Variants in MLPH observed in about 807,000 individuals in gnomAD.
MLPH encodes melanophilin.
In MLPH, 51 loss-of-function variants were observed where a neutral mutation model predicts 72.1. The observed-to-expected ratio is 0.71, with a 90% CI of 0.56 to 0.89. The LOEUF (loss-of-function observed/expected upper bound fraction) is 0.89. Among genes scored for constraint, MLPH ranks in the 40% least tolerant of loss-of-function variants. The probability of loss-of-function intolerance (pLI) is 0.00; values close to 1 mark genes in which losing one functional copy is unlikely to be tolerated. For synonymous variants in MLPH, 301 were observed against 310.1 expected, an observed-to-expected ratio of 0.97 and a Z score of 0.31; for missense variants, 743 against 759.9, an observed-to-expected ratio of 0.98 and a Z score of 0.26.
Position 237,510,656 on chromosome 2 carries a change from G to A in MLPH, c.193G>A (p.Ala65Thr), listed in dbSNP as rs745779815. 17 of 1,613,656 alleles carry A rather than the reference G, an allele frequency of 1.1e-5. No individual in the cohort carries two copies. Among genetic ancestry groups the A allele is most frequent in the Middle Eastern group, 1.6e-4 (1 of 6,080 alleles). Residue 65 changes from alanine to threonine, a missense_variant, in exon 3 of 16, where the codon GCC becomes ACC. Physicochemically the swap from Ala to Thr is moderately conservative, Grantham distance 58. Coordinates refer to ENST00000264605, the MANE Select transcript of MLPH (RefSeq NM_024101.7). This position sits in a 1 kb window ranked among gnomAD's most constrained non-coding sequence, Gnocchi z 4.4. ...DTAHLNETHC[A>T]RCLQPYQLLV... is the part of the protein sequence containing the mutation. ...TGCCCATCTGAACGAGACCCACTGCGCCCGCTGCCTGCAGCCCTACCAGCT... is the reference window on the plus strand; with the variant it reads ...TGCCCATCTGAACGAGACCCACTGCACCCGCTGCCTGCAGCCCTACCAGCT...
chr2:237,522,539 C>T (rs576134409), intron 6 of MLPH, among the ~76,000 whole-genome samples: 27 of 133,338 alleles, frequency 2.0e-4, no homozygotes, highest in East Asian at 4.1e-4. Flanking sequence ...AGTGCTGGAG[C>T]GGAGCAGGGC....
chr2:237,539,161 A>G (rs530778020), intron 9 of MLPH, among the ~76,000 whole-genome samples: 4 of 152,222 alleles, frequency 2.6e-5, no homozygotes, highest in Admixed American at 2.6e-4. Flanking sequence ...GGGAGGCTTG[A>G]GCAGAAGACA....
At chr2:237,488,939 G>A (rs563654986) in intron 1 of MLPH, among the ~76,000 whole-genome samples, 14 of 152,334 alleles carry the variant, frequency 9.2e-5, no homozygotes, top group Middle Eastern at 3.4e-3. Context: ...TGGAGGAACA[G>A]TCTTTGCCCC....
At chr2:237,545,455 A>G in intron 12 of MLPH, 1 of 1,286,984 alleles carries the variant, frequency 7.8e-7, no homozygotes, top group Non-Finnish European at 1.0e-6. Flanking sequence ...TACCCTAAAA[A>G]GGCTCTTTAT....
At position 237,510,392 on chromosome 2, in the gene MLPH, C is replaced by G. The variant is rs2079864246; in HGVS notation, c.111-182C>G. 1.4e-6 allele frequency: 1 copy of G among 692,946 alleles called. No homozygotes were observed. Among genetic ancestry groups the G allele is most frequent in the Non-Finnish European group, 2.6e-6 (1 of 385,244 alleles). 42.9% of individuals were successfully genotyped at this position (692,946 alleles called of 1,614,324 possible). A position where few individuals can be genotyped will look rare whatever the true frequency, so the allele number is the denominator to read the frequency against. On this transcript the variant is annotated intron_variant, in intron 2 of 15. Transcript: ENST00000264605. This position sits in a 1 kb window ranked among gnomAD's most constrained non-coding sequence, Gnocchi z 4.4. ...AAATTGCCCGTTTGAGCTCAGCCCTCAAAACAAAGATGCCTGTGTGGCTTT... is the reference window on the plus strand; with the variant it reads ...AAATTGCCCGTTTGAGCTCAGCCCTGAAAACAAAGATGCCTGTGTGGCTTT...
chr2:237,546,902 T>C (rs2080932126), intron 13 of MLPH, among the ~76,000 whole-genome samples: 1 of 151,950 alleles, frequency 6.6e-6, no homozygotes, highest in Non-Finnish European at 1.5e-5. Context: ...ATGCATTTGT[T>C]GAAAATCCAA....
At position 237,520,031 on chromosome 2, in the gene MLPH, T is replaced by C; in HGVS notation, c.675+2T>C. 1 of 1,613,638 alleles carries C rather than the reference T, an allele frequency of 6.2e-7. No homozygotes were observed. The highest frequency in any genetic ancestry group is 2.2e-5 in the East Asian group (1 of 44,830). ...CCTGAGGCCAGGGACAGCCCACAGG[T>C]CAGTGGGTCCTCGTGTCTTTCCCCT... On this transcript the variant is annotated splice_donor_variant, in intron 6 of 15. Coordinates refer to ENST00000264605, the MANE Select transcript of MLPH (RefSeq NM_024101.7). LOFTEE classifies it high-confidence loss of function.
intron 2 of MLPH, among the ~76,000 whole-genome samples, chr2:237,502,834 T>C (rs2079680128): frequency 6.6e-6 from 1 of 152,112 alleles, no homozygotes. Context: ...AAAATTTTTT[T>C]TTGACCAGGC....
At chr2:237,551,032 G>A (rs1451646751) in intron 14 of MLPH, among the ~76,000 whole-genome samples, 1 of 152,238 alleles carries the variant, frequency 6.6e-6, no homozygotes, top group East Asian at 1.9e-4. Context: ...AGGCAAAGCT[G>A]AGGCCTGACC....
chr2:237,547,270 G>C (rs1474149886), intron 13 of MLPH, among the ~76,000 whole-genome samples: 4 of 152,292 alleles, frequency 2.6e-5, no homozygotes, highest in African/African-American at 7.2e-5. Context: ...GACTCGGGGG[G>C]TGTGAGCGGG....
rs116249909 is a variant in MLPH, at chr2:237,535,805, C to T, written c.1104+1158C>T. Among the ~76,000 whole-genome samples, 67 of 152,248 alleles carry T rather than the reference C, an allele frequency of 4.4e-4. No homozygotes were observed. In the Middle Eastern group the frequency reaches 0.01, roughly 23 times the overall value. On this transcript the variant is annotated intron_variant, in intron 9 of 15. Coordinates refer to ENST00000264605, the MANE Select transcript of MLPH (RefSeq NM_024101.7). Reference sequence around the variant, plus strand: ...TGTTACAGCATTTTCCATACAAGGCCTATAATTACATTGTAGCAATTCACT... The same window carrying T: ...TGTTACAGCATTTTCCATACAAGGCTTATAATTACATTGTAGCAATTCACT...
intron 1 of MLPH, among the ~76,000 whole-genome samples, chr2:237,490,384 T>C (rs2079406247): frequency 6.6e-6 from 1 of 152,158 alleles, no homozygotes; most frequent in South Asian, 2.1e-4. Context: ...GAGGGACAGA[T>C]ATCCAAGCAG....
intron 12 of MLPH, 76 bp from the exon 13 acceptor site, chr2:237,546,530 C>A: frequency 7.8e-7 from 1 of 1,276,222 alleles, no homozygotes; most frequent in Non-Finnish European, 1.1e-6. Context: ...ATCCTTACAT[C>A]CAGCTGACCC....
intron 1 of MLPH, among the ~76,000 whole-genome samples, chr2:237,492,868 G>C (rs1468890912): frequency 6.6e-6 from 1 of 152,182 alleles, no homozygotes; most frequent in African/African-American, 2.4e-5. Flanking sequence ...CACCTAGTGG[G>C]TCAGTCATCC....
In MLPH at chr2:237,552,452, C is replaced by G. The variant is rs773412944; in HGVS notation, c.1776+15C>G. On this transcript the variant is annotated intron_variant, in intron 15 of 15. Coordinates refer to ENST00000264605, the MANE Select transcript of MLPH (RefSeq NM_024101.7). ...ACACCTTCGCGGTAAAGTTTTCTCT[C>G]ATTCTCTGAGGAGTTTTTAAAGTTC... 1.9e-6 allele frequency: 3 copies of G among 1,609,324 alleles called. No homozygotes were observed.
intron 2 of MLPH, among the ~76,000 whole-genome samples, chr2:237,503,704 A>G (rs1279570787): frequency 6.6e-6 from 1 of 152,068 alleles, no homozygotes; most frequent in African/African-American, 2.4e-5. Flanking sequence ...TTTCTCAGGC[A>G]TGGCATGGAG....
At position 237,534,532 on chromosome 2, in the gene MLPH, C is replaced by T. The variant is rs775928053; in HGVS notation, c.1021-32C>T. The T allele has an allele frequency of 8.2e-6, 13 of 1,585,036 alleles. No individual in the cohort carries two copies. The Middle Eastern group carries it at 5.1e-4, about 62-fold the overall frequency. ...CTTGCTGGTTGGAGTGCACTGGGTC[C>T]TCTGCCCACTGTTTCTCTCCTTCTG... On this transcript the variant is annotated intron_variant, in intron 8 of 15. Transcript: ENST00000264605.
At position 237,541,054 on chromosome 2, in the gene MLPH, T is replaced by C; in HGVS notation, c.1446+97T>C. 1.4e-6 allele frequency: 2 copies of C among 1,461,692 alleles called. No individual in the cohort carries two copies. The highest frequency in any genetic ancestry group is 1.9e-6 in the Non-Finnish European group (2 of 1,068,976). 90.5% of individuals were successfully genotyped at this position (1,461,692 alleles called of 1,614,324 possible). On this transcript the variant is annotated intron_variant, in intron 11 of 15. Transcript: ENST00000264605. The surrounding 1 kb of genome is among the most constrained non-coding windows in gnomAD (Gnocchi z 5.1). The stretch of plus-strand genomic sequence containing the variant: ...TCTGCCAGCTCTAACATCCGCCAGC[T>C]CACACTGAGCCCTCCCCATTGGCCC...
intron 8 of MLPH, among the ~76,000 whole-genome samples, chr2:237,533,927 T>A (rs2080477945): frequency 1.3e-5 from 2 of 152,326 alleles, no homozygotes. Context: ...CACAGCACCA[T>A]TTCCCTCTTT....
Sources: gnomAD v4.1 joint callset for allele counts (sites outside exome capture counted in the v4.1 genomes callset) on GRCh38, gnomAD v4.1.1 for gene constraint, Gnocchi (gnomAD v3.1) non-coding constraint, MANE v1.5 for transcripts, NCBI Gene and HGNC (gene_info 2026-07-23, HGNC 2026-07-21) for gene names.